Variants in CACNA2D3 observed in about 807,000 individuals in gnomAD.
The protein encoded by CACNA2D3 is calcium voltage-gated channel auxiliary subunit alpha2delta 3.
CACNA2D3 carries 60 observed loss-of-function variants against 160.6 expected under a neutral mutation model. The observed-to-expected ratio is 0.37, with a 90% CI of 0.30 to 0.46. The LOEUF (loss-of-function observed/expected upper bound fraction) is 0.46. Ranked by LOEUF, CACNA2D3 falls within the 20% of genes least tolerant of loss-of-function variation. The pLI is 1.00. For missense variants in CACNA2D3, 1,205 were observed against 1,365.0 expected (o/e 0.88, Z 1.85); for synonymous variants, 558 against 492.9 (o/e 1.13, Z -1.75).
chr3:54,575,619 G>A (rs769509360), intron 8 of CACNA2D3, among the ~76,000 whole-genome samples: 11 of 152,206 alleles, frequency 7.2e-5, no homozygotes, highest in Non-Finnish European at 1.6e-4. Flanking sequence ...GGGCTACCAG[G>A]AAGCAGGTCT....
chr3:54,847,256 G>C (rs1526591), intron 17 of CACNA2D3, among the ~76,000 whole-genome samples: 28 of 152,382 alleles, frequency 1.8e-4, no homozygotes, highest in African/African-American at 6.3e-4. Context: ...TGTGTACTTA[G>C]CTAATTTTTA....
chr3:54,419,300 G>T (rs1422529135), intron 4 of CACNA2D3, among the ~76,000 whole-genome samples: 1 of 152,166 alleles, frequency 6.6e-6, no homozygotes, highest in African/African-American at 2.4e-5. Flanking sequence ...GCAGATAGAA[G>T]CCCCCATCTT....
At chr3:54,702,500 C>T (rs1459340786) in intron 11 of CACNA2D3, among the ~76,000 whole-genome samples, 3 of 152,158 alleles carry the variant, frequency 2.0e-5, no homozygotes, top group Admixed American at 2.0e-4. Flanking sequence ...AAAAAATGCT[C>T]AACATCACTA....
At chr3:55,073,703 T>C in intron 36 of CACNA2D3, 74 bp from the exon 37 acceptor site, 1 of 1,349,646 alleles carries the variant, frequency 7.4e-7, no homozygotes, top group Non-Finnish European at 1.0e-6. Context: ...AGAGTTGTCA[T>C]TGCCAAATTT....
chr3:54,624,418 C>T (rs544391501), intron 9 of CACNA2D3, among the ~76,000 whole-genome samples: 3 of 152,052 alleles, frequency 2.0e-5, no homozygotes, highest in Non-Finnish European at 4.4e-5. Flanking sequence ...GTCAGGAGAT[C>T]GAGACCATCC....
At chr3:54,952,861 G>C (rs1358168320) in intron 27 of CACNA2D3, among the ~76,000 whole-genome samples, 1 of 152,192 alleles carries the variant, frequency 6.6e-6, no homozygotes, top group Admixed American at 6.5e-5. Flanking sequence ...ATTCAGCAGA[G>C]TTGGGAATGT....
intron 5 of CACNA2D3, among the ~76,000 whole-genome samples, chr3:54,524,471 T>C (rs968627972): frequency 6.6e-6 from 1 of 152,070 alleles, no homozygotes; most frequent in Non-Finnish European, 1.5e-5. Context: ...GAATGTGTAA[T>C]GTATTGTTGG....
intron 2 of CACNA2D3, among the ~76,000 whole-genome samples, chr3:54,207,544 G>A (rs1018091650): frequency 6.6e-6 from 1 of 152,100 alleles, no homozygotes; most frequent in Non-Finnish European, 1.5e-5. Context: ...TCTCTCCCTT[G>A]CACAAACCCA....
intron 11 of CACNA2D3, among the ~76,000 whole-genome samples, chr3:54,673,632 A>G (rs1700194851): frequency 6.6e-6 from 1 of 152,222 alleles, no homozygotes; most frequent in African/African-American, 2.4e-5. Flanking sequence ...TTCAGGGCAC[A>G]CTTAAATGAC....
At chr3:54,659,249 T>C in intron 11 of CACNA2D3, among the ~76,000 whole-genome samples, 1 of 152,226 alleles carries the variant, frequency 6.6e-6, no homozygotes, top group Non-Finnish European at 1.5e-5. Context: ...TGCGTTTGTT[T>C]TCTCCGAAGT....
intron 9 of CACNA2D3, among the ~76,000 whole-genome samples, chr3:54,617,618 C>T (rs892508434): frequency 1.3e-5 from 2 of 152,188 alleles, no homozygotes; most frequent in African/African-American, 4.8e-5. Flanking sequence ...TTTTAAATAT[C>T]AGATAACAAA....
chr3:54,224,708 G>A lies in CACNA2D3; in HGVS notation c.205-95734G>A, dbSNP rs1473749732. ...TTGTCATGTATGTCAGGTCTCTCTTGTTTTAAATTCCTATTAGATATTAAA... is the reference window on the plus strand; with the variant it reads ...TTGTCATGTATGTCAGGTCTCTCTTATTTTAAATTCCTATTAGATATTAAA... On this transcript the variant is annotated intron_variant, in intron 2 of 37. Transcript: ENST00000474759. 2.6e-5 allele frequency among the ~76,000 whole-genome samples: 4 copies of A among 152,008 alleles called. No individual in the cohort carries two copies. The East Asian group carries it at 7.7e-4, about 29-fold the overall frequency.
At position 54,264,185 on chromosome 3, in the gene CACNA2D3, C is replaced by T. The variant is rs141772253; in HGVS notation, c.205-56257C>T. Among the ~76,000 whole-genome samples the T allele has an allele frequency of 1.8e-3, 271 of 152,244 alleles. 2 individuals carry two copies. The highest frequency in any genetic ancestry group is 1.7e-3 in the Non-Finnish European group (114 of 68,018). ...ACCCAGATGTGGTGGGTGGTGTCCT[C>T]GGCTGATTACAAAGATTGCAGCCCA... On this transcript the variant is annotated intron_variant, in intron 2 of 37. Transcript: ENST00000474759.
At chr3:54,548,402 A>G (rs1436418253) in intron 5 of CACNA2D3, among the ~76,000 whole-genome samples, 1 of 152,238 alleles carries the variant, frequency 6.6e-6, no homozygotes, top group Non-Finnish European at 1.5e-5. Context: ...TCACTGACAT[A>G]GGAGGGAGGA....
intron 4 of CACNA2D3, among the ~76,000 whole-genome samples, chr3:54,495,810 C>T (rs1484766931): frequency 6.6e-6 from 1 of 152,132 alleles, no homozygotes; most frequent in Non-Finnish European, 1.5e-5. Flanking sequence ...TGTTGTGTAC[C>T]TCTCTAGTTG....
intron 3 of CACNA2D3, among the ~76,000 whole-genome samples, chr3:54,381,149 A>G (rs1699096565): frequency 6.6e-6 from 1 of 152,232 alleles, no homozygotes; most frequent in African/African-American, 2.4e-5. Flanking sequence ...TTAAATTCCA[A>G]CACCCCATTT....
intron 11 of CACNA2D3, among the ~76,000 whole-genome samples, chr3:54,691,154 C>T (rs1457414809): frequency 6.6e-6 from 1 of 152,196 alleles, no homozygotes; most frequent in Non-Finnish European, 1.5e-5. Flanking sequence ...CCAGAGCCTT[C>T]TACCACCCAT....
intron 11 of CACNA2D3, among the ~76,000 whole-genome samples, chr3:54,737,156 A>G (rs1193231561): frequency 1.3e-5 from 2 of 150,296 alleles, no homozygotes; most frequent in African/African-American, 4.9e-5. Flanking sequence ...ATATATCTCC[A>G]TCATGAAGCT....
intron 25 of CACNA2D3, among the ~76,000 whole-genome samples, chr3:54,893,429 C>T (rs1700114977): frequency 6.6e-6 from 1 of 152,116 alleles, no homozygotes; most frequent in South Asian, 2.1e-4. Flanking sequence ...CAAGAAACTC[C>T]TGTCATTGCT....
Sources: gnomAD v4.1 joint callset for allele counts (sites outside exome capture counted in the v4.1 genomes callset) on GRCh38, gnomAD v4.1.1 for gene constraint, MANE v1.5 for transcripts, NCBI Gene and HGNC (gene_info 2026-07-23, HGNC 2026-07-21) for gene names.